CTNNA3: variants seen among roughly 807,000 people sequenced by gnomAD.
CTNNA3 encodes the protein catenin alpha-3.
CTNNA3 carries 76 observed loss-of-function variants against 95.7 expected under a neutral mutation model. That is an observed-to-expected ratio of 0.79 (90% confidence interval 0.66 to 0.96). The LOEUF (loss-of-function observed/expected upper bound fraction) is 0.96, where lower values mean the gene tolerates loss of function less well. Among genes scored for constraint, CTNNA3 ranks in the 40% least tolerant of loss-of-function variants. CTNNA3 has a pLI of 0.00. For synonymous variants in CTNNA3, 431 were observed against 374.4 expected (o/e 1.15, Z -1.74); for missense variants, 1,191 against 1,089.8 (o/e 1.09, Z -1.31).
At chr10:67,757,232 T>G (rs1386393172) in intron 1 of CTNNA3, among the ~76,000 whole-genome samples, 1 of 152,182 alleles carries the variant, frequency 6.6e-6, no homozygotes, top group Admixed American at 6.5e-5. Flanking sequence ...CTTTAAACAA[T>G]AAATATTTAG....
At chr10:66,488,878 A>G (rs557139654) in intron 11 of CTNNA3, among the ~76,000 whole-genome samples, 1 of 152,082 alleles carries the variant, frequency 6.6e-6, no homozygotes, top group African/African-American at 2.4e-5. Context: ...AGAACTTTAC[A>G]TGCAAGGACA....
At chr10:66,729,539 GA>G in intron 9 of CTNNA3, among the ~76,000 whole-genome samples, 1 of 152,330 alleles carries the variant, frequency 6.6e-6, no homozygotes, top group East Asian at 1.9e-4. Context: ...AGTAACTCAG[GA>G]ATGGAAAACC....
At chr10:66,953,763 A>G (rs1327789573) in intron 7 of CTNNA3, among the ~76,000 whole-genome samples, 1 of 152,088 alleles carries the variant, frequency 6.6e-6, no homozygotes, top group Non-Finnish European at 1.5e-5. Flanking sequence ...TCCTAAGATA[A>G]TATTAGATGA....
intron 1 of CTNNA3, among the ~76,000 whole-genome samples, chr10:67,729,572 G>A (rs897183668): frequency 1.3e-5 from 2 of 152,088 alleles, no homozygotes; most frequent in African/African-American, 2.4e-5. Context: ...GTGATTTTCT[G>A]ATAAGAAAAG....
At chr10:66,042,897 C>A (rs2133499938) in intron 15 of CTNNA3, among the ~76,000 whole-genome samples, 1 of 31,794 alleles carries the variant, frequency 3.1e-5, no homozygotes, top group South Asian at 1.3e-3. Flanking sequence ...GAGACTCTGT[C>A]TCAAAAAAAA....
At chr10:67,585,047 C>T (rs531512024) in intron 3 of CTNNA3, among the ~76,000 whole-genome samples, 1 of 152,340 alleles carries the variant, frequency 6.6e-6, no homozygotes, top group African/African-American at 2.4e-5. Flanking sequence ...TGCTTCAGCT[C>T]ACACTCCATG....
intron 5 of CTNNA3, among the ~76,000 whole-genome samples, chr10:67,399,955 C>G (rs1672800713): frequency 1.3e-5 from 2 of 152,082 alleles, no homozygotes; most frequent in East Asian, 3.9e-4. Flanking sequence ...TTTTAGGGTA[C>G]ATGTGCACAA....
intron 13 of CTNNA3, among the ~76,000 whole-genome samples, chr10:66,162,365 C>A (rs1355925751): frequency 6.6e-6 from 1 of 152,088 alleles, no homozygotes; most frequent in Non-Finnish European, 1.5e-5. Flanking sequence ...GGGCTGAAGG[C>A]TATTGACCAG....
chr10:67,011,055 C>T (rs763715057), intron 7 of CTNNA3, among the ~76,000 whole-genome samples: 1 of 152,018 alleles, frequency 6.6e-6, no homozygotes, highest in Non-Finnish European at 1.5e-5. Context: ...ATAGGCCAGG[C>T]GCGGTGGCTC....
chr10:65,998,329 T>G (rs2078706219), intron 15 of CTNNA3, among the ~76,000 whole-genome samples: 1 of 152,202 alleles, frequency 6.6e-6, no homozygotes, highest in East Asian at 1.9e-4. Flanking sequence ...TTTAAAGATG[T>G]ACAACTGGAC....
At chr10:66,067,781 T>A (rs748652918) in intron 15 of CTNNA3, among the ~76,000 whole-genome samples, 3 of 151,944 alleles carry the variant, frequency 2.0e-5, no homozygotes, top group Admixed American at 6.6e-5. Flanking sequence ...CTGGGTGTGG[T>A]GTTGTGCGCC....
intron 9 of CTNNA3, among the ~76,000 whole-genome samples, chr10:66,703,911 AT>A (rs1334273884): frequency 6.6e-6 from 1 of 152,204 alleles, no homozygotes; most frequent in Non-Finnish European, 1.5e-5. Flanking sequence ...CCACTACTAC[AT>A]GACCAGAAGA....
chr10:66,851,911 T>C (rs2132384080), intron 7 of CTNNA3, among the ~76,000 whole-genome samples: 1 of 152,232 alleles, frequency 6.6e-6, no homozygotes, highest in South Asian at 2.1e-4. Flanking sequence ...ACTGCTCAAG[T>C]CTCACTCCAT....
intron 7 of CTNNA3, among the ~76,000 whole-genome samples, chr10:66,906,627 G>A (rs1845997951): frequency 1.3e-5 from 2 of 151,990 alleles, no homozygotes; most frequent in African/African-American, 4.8e-5. Context: ...TTTTGATCCT[G>A]TTTCAAAAAT....
chr10:67,043,131 C>CTTTTTTTTTT (rs1284606581), intron 7 of CTNNA3, among the ~76,000 whole-genome samples: 1 of 60,210 alleles, frequency 1.7e-5, no homozygotes, highest in Non-Finnish European at 4.1e-5. Flanking sequence ...GGCTCACTTT[C>CTTTTTTTTTT]TTTCTTTTTT....
intron 11 of CTNNA3, among the ~76,000 whole-genome samples, chr10:66,517,062 A>C (rs1840886436): frequency 6.6e-6 from 1 of 152,010 alleles, no homozygotes; most frequent in Non-Finnish European, 1.5e-5. Context: ...CTCTACTAAA[A>C]ATCAAAAAAA....
At chr10:66,980,933 T>C (rs1376230991) in intron 7 of CTNNA3, among the ~76,000 whole-genome samples, 2 of 152,138 alleles carry the variant, frequency 1.3e-5, no homozygotes, top group Non-Finnish European at 2.9e-5. Flanking sequence ...TGAGACAGAG[T>C]TTCACTCTTG....
chr10:66,403,033 A>G (rs959445343), intron 11 of CTNNA3, among the ~76,000 whole-genome samples: 3 of 152,202 alleles, frequency 2.0e-5, no homozygotes, highest in Admixed American at 6.5e-5. Context: ...TGCAAATCAG[A>G]AAATCGTTGA....
At chr10:67,665,366 A>G (rs1303785652) in intron 1 of CTNNA3, among the ~76,000 whole-genome samples, 4 of 152,222 alleles carry the variant, frequency 2.6e-5, no homozygotes, top group African/African-American at 9.6e-5. Context: ...TAAAACGAAA[A>G]TTAGTTATAA....
Sources: gnomAD v4.1 joint callset for allele counts (sites outside exome capture counted in the v4.1 genomes callset) on GRCh38, gnomAD v4.1.1 for gene constraint, MANE v1.5 for transcripts, NCBI Gene and HGNC (gene_info 2026-07-23, HGNC 2026-07-21) for gene names.